Variants in PAPOLG observed in about 807,000 individuals in gnomAD.
PAPOLG encodes poly(A) polymerase gamma, also known as PAP-gamma.
PAPOLG carries 40 observed loss-of-function variants against 99.0 expected under a neutral mutation model. The observed-to-expected ratio is 0.40, with a 90% CI of 0.31 to 0.53. The LOEUF is 0.53. PAPOLG is among the 20% of genes least tolerant of loss of function. The pLI is 0.41. For missense variants in PAPOLG, 675 were observed against 884.1 expected, an observed-to-expected ratio of 0.76 and a Z score of 3.00; for synonymous variants, 310 against 299.3, an observed-to-expected ratio of 1.04 and a Z score of -0.37.
chr2:60,763,815 CTTGT>C (rs1393561023), intron 3 of PAPOLG, among the ~76,000 whole-genome samples: 1 of 149,886 alleles, frequency 6.7e-6, no homozygotes, highest in Non-Finnish European at 1.5e-5. Flanking sequence ...TGGTTTTGTT[CTTGT>C]TTGAGACATG....
rs550346323 is a variant in PAPOLG at position 60,797,367 on chromosome 2, T to G, written c.*207T>G. On this transcript the variant is annotated 3_prime_UTR_variant, in exon 22 of 22. Coordinates refer to ENST00000238714, the MANE Select transcript of PAPOLG (RefSeq NM_022894.4). ...TCTCACTGATTGCTACATACACTTC[T>G]CTGAGGATCACCTGCTGTCAAATTG... is the stretch of plus-strand genomic sequence containing the variant. The G allele has an allele frequency of 1.9e-4, 111 of 585,888 alleles. No homozygotes were observed. In the South Asian group the frequency reaches 2.5e-3, roughly 13 times the overall value. The allele number at this position is 585,888 out of a possible 1,614,324, so 36.3% of individuals were successfully genotyped here. A position where few individuals can be genotyped will look rare whatever the true frequency, so the allele number is the denominator to read the frequency against.
At chr2:60,787,134 G>A in intron 14 of PAPOLG, 68 bp downstream of exon 14, 1 of 1,327,568 alleles carries the variant, frequency 7.5e-7, no homozygotes, top group Non-Finnish European at 1.0e-6. Flanking sequence ...TCATTTCAGA[G>A]TAATTGTGAG....
intron 3 of PAPOLG, among the ~76,000 whole-genome samples, 176 bp downstream of exon 3, chr2:60,761,983 A>T (rs1573217486): frequency 1.3e-5 from 2 of 152,332 alleles, no homozygotes; most frequent in Admixed American, 1.3e-4. Flanking sequence ...GATTACCCAG[A>T]AGTAGCCAAT....
intron 11 of PAPOLG, 32 bp downstream of exon 11, chr2:60,782,037 T>G: frequency 1.9e-6 from 3 of 1,602,060 alleles, no homozygotes; most frequent in Non-Finnish European, 2.6e-6. Context: ...CCTTTACATA[T>G]TCCCACAAGT....
chr2:60,782,564 G>GA (rs34284101), intron 11 of PAPOLG, 122 bp from the exon 12 acceptor site: 1,002 of 1,219,460 alleles, frequency 8.2e-4, no homozygotes, highest in East Asian at 2.7e-3. Flanking sequence ...CTCAAAAAAA[G>GA]AAAAAAAAAA....
At chr2:60,770,543 T>C in intron 6 of PAPOLG, 32 bp downstream of exon 6, 1 of 1,393,698 alleles carries the variant, frequency 7.2e-7, no homozygotes. Flanking sequence ...GACTTTACAA[T>C]TGAACTGTTT....
At chr2:60,780,583 C>G in intron 9 of PAPOLG, 124 bp from the exon 10 acceptor site, 1 of 1,012,274 alleles carries the variant, frequency 9.9e-7, no homozygotes, top group East Asian at 2.7e-5. Context: ...GCCTTTTTTT[C>G]CTTTAATACC....
chr2:60,773,116 G>A (rs1237118789), intron 7 of PAPOLG, among the ~76,000 whole-genome samples: 2 of 152,092 alleles, frequency 1.3e-5, no homozygotes, highest in African/African-American at 2.4e-5. Flanking sequence ...TAATAGGGAC[G>A]GGGTTTCTCC....
chr2:60,759,984 T>A (rs1670474905), intron 1 of PAPOLG, 150 bp from the exon 2 acceptor site: 1 of 719,016 alleles, frequency 1.4e-6, no homozygotes, highest in South Asian at 2.0e-5. Context: ...ATACCCATTT[T>A]TCCTTTACAA....
At chr2:60,787,444 A>G in intron 14 of PAPOLG, 67 bp from the exon 15 acceptor site, 1 of 1,508,596 alleles carries the variant, frequency 6.6e-7, no homozygotes, top group Non-Finnish European at 8.9e-7. Context: ...TTTAATTATG[A>G]AATAGCATCT....
intron 12 of PAPOLG, 121 bp downstream of exon 12, chr2:60,782,891 T>G: frequency 8.1e-7 from 1 of 1,231,100 alleles, no homozygotes; most frequent in Non-Finnish European, 1.1e-6. Context: ...GAGAATAGAT[T>G]AACAAAAATC....
intron 15 of PAPOLG, 73 bp from the exon 16 acceptor site, chr2:60,791,688 C>T: frequency 6.5e-7 from 1 of 1,528,382 alleles, no homozygotes; most frequent in Non-Finnish European, 8.8e-7. Flanking sequence ...AAAGTATATG[C>T]ATTTCAGAAA....
intron 17 of PAPOLG, among the ~76,000 whole-genome samples, chr2:60,792,732 C>A (rs1484993059): frequency 6.6e-6 from 1 of 151,956 alleles, no homozygotes; most frequent in Non-Finnish European, 1.5e-5. Flanking sequence ...CCTGTCTATA[C>A]AAAAAAATAC....
chr2:60,781,126 C>T (rs559663798), intron 10 of PAPOLG, among the ~76,000 whole-genome samples: 197 of 152,254 alleles, frequency 1.3e-3, no homozygotes, highest in Admixed American at 3.1e-3. Context: ...GAGGCCGAGG[C>T]GGGTGGATCA....
intron 11 of PAPOLG, 24 bp from the exon 12 acceptor site, chr2:60,782,662 T>C: frequency 3.7e-6 from 5 of 1,357,266 alleles, no homozygotes; most frequent in Non-Finnish European, 4.8e-6. Context: ...TCTTTTTTTT[T>C]TTTTTTTTTT....
intron 1 of PAPOLG, among the ~76,000 whole-genome samples, chr2:60,757,356 G>C (rs1397189924): frequency 1.3e-5 from 2 of 152,174 alleles, no homozygotes; most frequent in African/African-American, 4.8e-5. Context: ...TCTTGCTCCA[G>C]ATGTCTCCAC....
intron 3 of PAPOLG, among the ~76,000 whole-genome samples, chr2:60,766,487 G>T (rs1670678661): frequency 6.6e-6 from 1 of 151,884 alleles, no homozygotes; most frequent in South Asian, 2.1e-4. Flanking sequence ...AAAAAAGCAA[G>T]ACCCCATCTT....
At chr2:60,789,860 C>T (rs529972461) in intron 15 of PAPOLG, among the ~76,000 whole-genome samples, 7 of 152,088 alleles carry the variant, frequency 4.6e-5, no homozygotes, top group East Asian at 1.9e-4. Context: ...GAGGCCAAGG[C>T]GGGCAAATTA....
At chr2:60,792,943 G>A (rs13386821) in intron 17 of PAPOLG, among the ~76,000 whole-genome samples, 16,432 of 152,182 alleles carry the variant, frequency 0.11, 870 homozygotes, top group Middle Eastern at 0.14. Flanking sequence ...GGCTGAGGCA[G>A]GAGAATCGCT....
Sources: gnomAD v4.1 joint callset for allele counts (sites outside exome capture counted in the v4.1 genomes callset) on GRCh38, gnomAD v4.1.1 for gene constraint, MANE v1.5 for transcripts, NCBI Gene and HGNC (gene_info 2026-07-23, HGNC 2026-07-21) for gene names.